The following EFHC2 variants were observed in gnomAD, a reference collection of about 807,000 sequenced individuals.
The protein encoded by EFHC2 is EF-hand domain containing 2, also known as EF-hand domain-containing family member C2.
EFHC2 carries 18 observed loss-of-function variants against 52.7 expected under a neutral mutation model. The ratio of observed to expected loss-of-function variants is 0.34; its 90% CI spans 0.24 to 0.51. The LOEUF (loss-of-function observed/expected upper bound fraction) is 0.51. Among genes scored for constraint, EFHC2 ranks in the 20% least tolerant of loss-of-function variants. The probability of loss-of-function intolerance (pLI) is 0.97; values close to 1 mark genes in which losing one functional copy is unlikely to be tolerated. For synonymous variants in EFHC2, 203 were observed against 204.1 expected (o/e 0.99, Z 0.04); for missense variants, 513 against 562.5 (o/e 0.91, Z 0.89).
At chrX:44,265,111 G>A (rs2037566996) in intron 3 of EFHC2, among the ~76,000 whole-genome samples, 1 of 111,223 alleles carries the variant, frequency 9.0e-6, no homozygotes, top group South Asian at 3.8e-4. Context: ...ATTTCCCTGT[G>A]GTTTAGATCA....
chrX:44,241,589 T>C (rs768309493), intron 8 of EFHC2, among the ~76,000 whole-genome samples: 113 of 112,304 alleles, frequency 1.0e-3, no homozygotes, highest in Non-Finnish European at 1.8e-3. Context: ...TTTGAAACGG[T>C]TGGCAAGATC....
intron 1 of EFHC2, among the ~76,000 whole-genome samples, chrX:44,331,674 C>T (rs1321435873): frequency 1.8e-5 from 2 of 111,888 alleles, no homozygotes; most frequent in Admixed American, 9.5e-5. Flanking sequence ...CTCAACACTT[C>T]GGGGGGCCGA....
At chrX:44,318,316 T>C (rs1420252091) in intron 1 of EFHC2, among the ~76,000 whole-genome samples, 1 of 111,723 alleles carries the variant, frequency 9.0e-6, no homozygotes, top group Non-Finnish European at 1.9e-5. Context: ...ATATGAAATA[T>C]ACAAAATAGG....
intron 11 of EFHC2, among the ~76,000 whole-genome samples, chrX:44,221,638 T>G (rs2147313153): frequency 9.0e-6 from 1 of 111,710 alleles, no homozygotes; most frequent in South Asian, 3.7e-4. Context: ...AGTCAATTTA[T>G]CTCCCTTAAC....
chrX:44,283,212 T>C (rs1194820596), intron 2 of EFHC2, among the ~76,000 whole-genome samples: 3 of 111,095 alleles, frequency 2.7e-5, no homozygotes, highest in Admixed American at 9.5e-5. Flanking sequence ...AGACAGAGTC[T>C]GGCTCTGTCC....
Position 44,242,134 on chromosome X carries a change from T to C in EFHC2, c.1267A>G (p.Met423Val), listed in dbSNP as rs748727079. The change falls in exon 8 of 15, where the codon ATG becomes GTG. Residue 423 changes from methionine to valine, a missense_variant. Coordinates refer to ENST00000420999, the MANE Select transcript of EFHC2 (RefSeq NM_025184.4). Reference sequence around the variant, plus strand: ...TCCCTCAAGCACCTGTCTTTTTCCATAAACTTCTTGAAGTTCCTCCGATGA... The same window carrying C: ...TCCCTCAAGCACCTGTCTTTTTCCACAAACTTCTTGAAGTTCCTCCGATGA... ...TPHRRNFKKF[M>V]EKDSYGSKSN... 3.4e-6 allele frequency: 4 copies of C among 1,190,909 alleles called. No homozygotes were observed. The South Asian group carries it at 5.8e-5, about 17-fold the overall frequency.
intron 12 of EFHC2, among the ~76,000 whole-genome samples, chrX:44,176,666 A>G (rs1001108668): frequency 8.9e-6 from 1 of 112,558 alleles, no homozygotes; most frequent in Non-Finnish European, 1.9e-5. Flanking sequence ...TACAGCCACA[A>G]GTGTTGCTCT....
intron 3 of EFHC2, among the ~76,000 whole-genome samples, chrX:44,264,433 C>T (rs1196942652): frequency 1.8e-5 from 2 of 112,172 alleles, no homozygotes; most frequent in African/African-American, 6.5e-5. Context: ...GCTGACTTGC[C>T]TCTCCCAGGA....
At chrX:44,338,916 C>A (rs183470146) in intron 1 of EFHC2, among the ~76,000 whole-genome samples, 1 of 111,674 alleles carries the variant, frequency 9.0e-6, no homozygotes, top group African/African-American at 3.3e-5. Flanking sequence ...AGCGGCCAGG[C>A]GCGGTGGCTC....
Position 44,186,685 on chromosome X carries a change from C to T in EFHC2, c.1752-8121G>A, listed in dbSNP as rs2036877438. On this transcript the variant is annotated intron_variant, in intron 11 of 14. Coordinates refer to ENST00000420999, the MANE Select transcript of EFHC2 (RefSeq NM_025184.4). ...AATAAACCCACAGGTACTTATTGAT[C>T]ACACAACGGTTGAATACAAAACACA... is the stretch of plus-strand genomic sequence containing the variant. Among the ~76,000 whole-genome samples the T allele has an allele frequency of 5.4e-5, 6 of 111,760 alleles. No individual in the cohort carries two copies. In the Admixed American group the frequency reaches 5.7e-4, roughly 11 times the overall value.
chrX:44,219,557 G>A (rs1422033244), intron 11 of EFHC2, among the ~76,000 whole-genome samples: 2 of 111,035 alleles, frequency 1.8e-5, no homozygotes, highest in Non-Finnish European at 3.8e-5. Flanking sequence ...GCACAGTGGT[G>A]GATATATGGG....
At position 44,275,669 on chromosome X, in the gene EFHC2, T is replaced by A. The variant is rs368174847; in HGVS notation, c.232-2833A>T. ...TGGCTCACACCTGTAATCCCAGCAC[T>A]TTGGGAAGCCGACGCAGGTGGATCA... On this transcript the variant is annotated intron_variant, in intron 2 of 14. Coordinates refer to ENST00000420999, the MANE Select transcript of EFHC2 (RefSeq NM_025184.4). Among the ~76,000 whole-genome samples the A allele has an allele frequency of 5.6e-5, 6 of 107,994 alleles. No individual in the cohort carries two copies. The East Asian group carries it at 1.2e-3, about 21-fold the overall frequency. The allele number at this position is 107,994 out of a possible 115,157, so 93.8% of individuals were successfully genotyped here. A position where few individuals can be genotyped will look rare whatever the true frequency, so the allele number is the denominator to read the frequency against.
chrX:44,226,363 A>G lies in EFHC2; in HGVS notation c.1751+3286T>C, dbSNP rs1249209331. ...AGTTCCCAGAGGTAGTTCAAGACGT[A>G]TAATTCCAAAGGGTGAGTGGGAGAG... On this transcript the variant is annotated intron_variant, in intron 11 of 14. Transcript: ENST00000420999. 3.6e-5 allele frequency among the ~76,000 whole-genome samples: 4 copies of G among 111,460 alleles called. No homozygotes were observed. In the East Asian group the frequency reaches 8.5e-4, roughly 24 times the overall value.
chrX:44,219,104 G>A (rs1359995125), intron 11 of EFHC2, among the ~76,000 whole-genome samples: 1 of 97,838 alleles, frequency 1.0e-5, no homozygotes, highest in Non-Finnish European at 2.0e-5. Context: ...GTATAATTCC[G>A]TTCATATGAA....
At chrX:44,295,274 G>C (rs2037819246) in intron 2 of EFHC2, among the ~76,000 whole-genome samples, 1 of 112,075 alleles carries the variant, frequency 8.9e-6, no homozygotes, top group African/African-American at 3.2e-5. Flanking sequence ...TAAGCAGAAG[G>C]CATCATGGTG....
At chrX:44,182,761 G>T (rs888212489) in intron 11 of EFHC2, among the ~76,000 whole-genome samples, 2 of 112,061 alleles carry the variant, frequency 1.8e-5, no homozygotes, top group Non-Finnish European at 3.8e-5. Context: ...TGAAGATTTA[G>T]ATAGCAAGTT....
Position 44,336,344 on chromosome X carries a change from G to A in EFHC2, c.42+7203C>T, listed in dbSNP as rs1192861934. 3.7e-5 allele frequency among the ~76,000 whole-genome samples: 4 copies of A among 107,130 alleles called. No homozygotes were observed. In the East Asian group the frequency reaches 8.8e-4, roughly 24 times the overall value. 93.0% of individuals were successfully genotyped at this position (107,130 alleles called of 115,157 possible). On this transcript the variant is annotated intron_variant, in intron 1 of 14. Coordinates refer to ENST00000420999, the MANE Select transcript of EFHC2 (RefSeq NM_025184.4). ...GAGGGTTGCAGTGAGCCAAGATCGCGCCACTACACTCCCCTGGGCGACAGA... is the reference window on the plus strand; with the variant it reads ...GAGGGTTGCAGTGAGCCAAGATCGCACCACTACACTCCCCTGGGCGACAGA...
intron 14 of EFHC2, among the ~76,000 whole-genome samples, chrX:44,162,559 C>T (rs1178524147): frequency 9.0e-6 from 1 of 111,260 alleles, no homozygotes; most frequent in African/African-American, 3.3e-5. Context: ...CAGGTATCTC[C>T]AGCTTCATCC....
chrX:44,324,763 T>C (rs953228548), intron 1 of EFHC2, among the ~76,000 whole-genome samples: 1 of 112,078 alleles, frequency 8.9e-6, no homozygotes, highest in African/African-American at 3.2e-5. Context: ...GAAACCAAAA[T>C]ATATCAAAGT....
Sources: gnomAD v4.1 joint callset for allele counts (sites outside exome capture counted in the v4.1 genomes callset) on GRCh38, gnomAD v4.1.1 for gene constraint, MANE v1.5 for transcripts, NCBI Gene and HGNC (gene_info 2026-07-23, HGNC 2026-07-21) for gene names.